SCAPER: variants seen among roughly 807,000 people sequenced by gnomAD.
The protein encoded by SCAPER is S phase cyclin A-associated protein in the endoplasmic reticulum.
Under a neutral mutation model 182.2 loss-of-function variants are expected in SCAPER, and 98 were observed. The ratio of observed to expected loss-of-function variants is 0.54; its 90% CI spans 0.46 to 0.64. The LOEUF (loss-of-function observed/expected upper bound fraction) is 0.64. SCAPER is among the 30% of genes least tolerant of loss of function. The pLI, the probability that SCAPER is intolerant of heterozygous loss-of-function variation, is 0.00. For missense variants in SCAPER, 1,432 were observed against 1,690.0 expected (o/e 0.85, Z 2.68); for synonymous variants, 605 against 564.6 (o/e 1.07, Z -1.01).
chr15:76,850,443 A>G (rs1383225766), intron 4 of SCAPER, among the ~76,000 whole-genome samples: 1 of 152,218 alleles, frequency 6.6e-6, no homozygotes, highest in Non-Finnish European at 1.5e-5. Context: ...TCCCAAAGGC[A>G]CACAGAGAAA....
chr15:76,684,816 T>C (rs1360788617), intron 20 of SCAPER, among the ~76,000 whole-genome samples: 1 of 151,926 alleles, frequency 6.6e-6, no homozygotes, highest in African/African-American at 2.4e-5. Flanking sequence ...AGATGAATTT[T>C]CAAGGAATTT....
intron 16 of SCAPER, among the ~76,000 whole-genome samples, chr15:76,729,784 A>T (rs1346718016): frequency 6.6e-6 from 1 of 151,974 alleles, no homozygotes; most frequent in Non-Finnish European, 1.5e-5. Flanking sequence ...AATTCTAAAT[A>T]ATTATCATCA....
chr15:76,762,750 G>A (rs540078428), intron 14 of SCAPER, among the ~76,000 whole-genome samples: 5 of 152,258 alleles, frequency 3.3e-5, no homozygotes, highest in African/African-American at 1.2e-4. Context: ...CCAGGTTCAA[G>A]CGATCCTTCT....
chr15:76,492,841 T>C (rs1162245824), intron 24 of SCAPER, among the ~76,000 whole-genome samples: 2 of 151,904 alleles, frequency 1.3e-5, no homozygotes, highest in Non-Finnish European at 2.9e-5. Flanking sequence ...CCACAGAGAA[T>C]TTAGACTTGT....
At chr15:76,441,961 TA>T (rs1181706051) in intron 25 of SCAPER, among the ~76,000 whole-genome samples, 2 of 151,948 alleles carry the variant, frequency 1.3e-5, no homozygotes, top group Non-Finnish European at 2.9e-5. Context: ...TGATTTTCAC[TA>T]AAAAAAATTC....
chr15:76,786,326 C>CAAAAAA (rs35708368), intron 8 of SCAPER, among the ~76,000 whole-genome samples: 5 of 110,954 alleles, frequency 4.5e-5, no homozygotes, highest in African/African-American at 7.3e-5. Flanking sequence ...GACTCTGTCT[C>CAAAAAA]AAAAAAAAAA....
intron 25 of SCAPER, among the ~76,000 whole-genome samples, chr15:76,470,548 T>G (rs908243951): frequency 6.6e-6 from 1 of 152,190 alleles, no homozygotes; most frequent in Non-Finnish European, 1.5e-5. Context: ...TGTTATAAAC[T>G]TGCAGCTTGA....
At chr15:76,526,213 T>C (rs1455490930) in intron 23 of SCAPER, among the ~76,000 whole-genome samples, 1 of 152,204 alleles carries the variant, frequency 6.6e-6, no homozygotes, top group Non-Finnish European at 1.5e-5. Context: ...TATCTTTGAA[T>C]ATCTGAAAAT....
intron 1 of SCAPER, among the ~76,000 whole-genome samples, chr15:76,896,333 T>G (rs1224171769): frequency 6.6e-6 from 1 of 152,106 alleles, no homozygotes; most frequent in East Asian, 1.9e-4. Context: ...ATCACACCAC[T>G]GCACTCCAGA....
intron 25 of SCAPER, among the ~76,000 whole-genome samples, chr15:76,465,790 A>G (rs2049562334): frequency 6.6e-6 from 1 of 151,918 alleles, no homozygotes; most frequent in Non-Finnish European, 1.5e-5. Flanking sequence ...TTGCATGTGG[A>G]TATCCAGTTT....
intron 2 of SCAPER, among the ~76,000 whole-genome samples, chr15:76,875,984 C>A (rs549596254): frequency 6.6e-6 from 1 of 152,294 alleles, no homozygotes; most frequent in East Asian, 1.9e-4. Context: ...CGCTGGGAGG[C>A]AGCAAAGGCC....
intron 7 of SCAPER, among the ~76,000 whole-genome samples, chr15:76,795,984 C>G (rs551985382): frequency 6.6e-6 from 1 of 151,750 alleles, no homozygotes; most frequent in Non-Finnish European, 1.5e-5. Context: ...TTGCTTGAGC[C>G]CAGGAGGCAG....
At chr15:76,546,440 T>C (rs1567415329) in intron 23 of SCAPER, among the ~76,000 whole-genome samples, 1 of 152,120 alleles carries the variant, frequency 6.6e-6, no homozygotes, top group Non-Finnish European at 1.5e-5. Flanking sequence ...TCCTCCCACC[T>C]TGGCCTCCCA....
At chr15:76,523,309 C>T (rs2042958558) in intron 23 of SCAPER, among the ~76,000 whole-genome samples, 1 of 151,964 alleles carries the variant, frequency 6.6e-6, no homozygotes, top group Admixed American at 6.6e-5. Context: ...GGCAAAACTC[C>T]ATGATACTAA....
intron 24 of SCAPER, among the ~76,000 whole-genome samples, chr15:76,495,813 A>T (rs138343270): frequency 7.9e-5 from 12 of 152,256 alleles, no homozygotes; most frequent in African/African-American, 2.9e-4. Flanking sequence ...CTAAGAAAAG[A>T]TCATTTATAT....
chr15:76,506,598 GAA>G (rs765803767), intron 23 of SCAPER, among the ~76,000 whole-genome samples: 1 of 152,066 alleles, frequency 6.6e-6, no homozygotes, highest in Non-Finnish European at 1.5e-5. Context: ...ACATGTAAAA[GAA>G]AGTGGGAAGA....
Position 76,687,090 on chromosome 15 carries a change from T to C in SCAPER, c.2508+14668A>G, listed in dbSNP as rs528419330. On this transcript the variant is annotated intron_variant, in intron 20 of 31. Transcript: ENST00000563290. The stretch of plus-strand genomic sequence containing the variant: ...AAGTTATGACTGTGATGATAAATCT[T>C]TGGAATACATAAATAGCAAATATTG... 3.9e-5 allele frequency among the ~76,000 whole-genome samples: 6 copies of C among 152,262 alleles called. No individual in the cohort carries two copies. In the South Asian group the frequency reaches 1.2e-3, roughly 32 times the overall value.
At chr15:76,719,525 GA>G (rs1430530601) in intron 17 of SCAPER, among the ~76,000 whole-genome samples, 1 of 152,072 alleles carries the variant, frequency 6.6e-6, no homozygotes, top group Non-Finnish European at 1.5e-5. Context: ...TGGGATTTGT[GA>G]TAAATGAGAT....
chr15:76,509,467 G>T (rs2041857357), intron 23 of SCAPER, among the ~76,000 whole-genome samples: 1 of 152,094 alleles, frequency 6.6e-6, no homozygotes, highest in South Asian at 2.1e-4. Flanking sequence ...CAGCCCATTT[G>T]CTAGAGCACT....
Sources: allele counts gnomAD v4.1 joint callset (sites outside exome capture counted in the v4.1 genomes callset), GRCh38; gene constraint gnomAD v4.1.1; transcripts MANE v1.5; gene names NCBI Gene and HGNC (gene_info 2026-07-23, HGNC 2026-07-21).